PRKAB2: variants seen among roughly 807,000 people sequenced by gnomAD.
The protein encoded by PRKAB2 is protein kinase AMP-activated non-catalytic subunit beta 2.
A neutral mutation model predicts 29.8 loss-of-function variants in PRKAB2; 18 were observed. The observed-to-expected ratio is 0.60, with a 90% CI of 0.42 to 0.89. PRKAB2 has a LOEUF of 0.89. Among genes scored for constraint, PRKAB2 ranks in the 40% least tolerant of loss-of-function variants. The pLI is 0.00. For synonymous variants in PRKAB2, 136 were observed against 125.9 expected, an observed-to-expected ratio of 1.08 and a Z score of -0.54; for missense variants, 270 against 344.3, an observed-to-expected ratio of 0.78 and a Z score of 1.71.
In PRKAB2 at chr1:147,172,159, G is replaced by A; in HGVS notation, c.-15C>T. ...GTGTTTCCCATGGCTGCAGCTCGTC[G>A]GGGACCACCTACCGCGGGGAACGAC... On this transcript the variant is annotated 5_prime_UTR_variant, in exon 2 of 8. Coordinates refer to ENST00000254101, the MANE Select transcript of PRKAB2 (RefSeq NM_005399.5). 1.3e-6 allele frequency: 2 copies of A among 1,540,518 alleles called. No individual in the cohort carries two copies. Among genetic ancestry groups the A allele is most frequent in the Non-Finnish European group, 1.7e-6 (2 of 1,142,892 alleles).
Position 147,165,184 on chromosome 1 carries a change from C to T in PRKAB2, c.538+1314G>A, listed in dbSNP as rs1571060520. On this transcript the variant is annotated intron_variant, in intron 5 of 7. Transcript: ENST00000254101. The stretch of plus-strand genomic sequence containing the variant: ...GGGACTACAGGCGCCTGCCACCACA[C>T]CCAGCTAATTTTTCGTATTTTTTAG... 2.0e-5 allele frequency among the ~76,000 whole-genome samples: 3 copies of T among 152,160 alleles called. No homozygotes were observed. The South Asian group carries it at 6.2e-4, about 32-fold the overall frequency.
intron 5 of PRKAB2, among the ~76,000 whole-genome samples, chr1:147,164,851 T>C (rs1334740258): frequency 1.3e-5 from 2 of 152,368 alleles, no homozygotes; most frequent in Admixed American, 1.3e-4. Flanking sequence ...GATACATGTC[T>C]ATTTATTGGT....
chr1:147,166,260 G>A (rs587758713), intron 5 of PRKAB2, among the ~76,000 whole-genome samples: 5 of 152,138 alleles, frequency 3.3e-5, no homozygotes, highest in Non-Finnish European at 5.9e-5. Flanking sequence ...AAAATAGAGT[G>A]TATCCCATGT....
intron 7 of PRKAB2, chr1:147,160,886 AATAAT>A (rs1653918577): frequency 6.6e-6 from 1 of 152,146 alleles, no homozygotes; most frequent in South Asian, 2.1e-4. Flanking sequence ...AATTAAATTC[AATAAT>A]ATATTTTTAA....
At chr1:147,160,569 A>G (rs2101616267) in intron 7 of PRKAB2, among the ~76,000 whole-genome samples, 1 of 152,290 alleles carries the variant, frequency 6.6e-6, no homozygotes, top group South Asian at 2.1e-4. Flanking sequence ...ATTATCCACC[A>G]TGAATGCTTC....
At chr1:147,168,009 A>G (rs55797044) in intron 2 of PRKAB2, 76 bp from the exon 3 acceptor site, 49,788 of 1,475,288 alleles carry the variant, frequency 0.034, 1,406 homozygotes, top group African/African-American at 0.11. Flanking sequence ...CCTCCCTAGG[A>G]TAGAGAAGGG....
chr1:147,169,081 C>T (rs1157490786), intron 2 of PRKAB2, among the ~76,000 whole-genome samples: 3 of 152,198 alleles, frequency 2.0e-5, no homozygotes, highest in Admixed American at 2.0e-4. Flanking sequence ...TGGCCCTTTA[C>T]AGAAAGATTG....
chr1:147,172,284 G>C (rs375121064), intron 1 of PRKAB2, 117 bp from the exon 2 acceptor site: 1 of 1,143,104 alleles, frequency 8.7e-7, no homozygotes, highest in East Asian at 2.8e-5. Context: ...CAGGGAAGCC[G>C]AGCCCTGGAG....
chr1:147,163,395 A>G (rs782209427), intron 5 of PRKAB2, among the ~76,000 whole-genome samples: 13 of 152,250 alleles, frequency 8.5e-5, no homozygotes, highest in Admixed American at 2.6e-4. Context: ...CTTGTACACC[A>G]GTGTTCATAA....
chr1:147,160,633 A>G (rs1653907628), intron 7 of PRKAB2, among the ~76,000 whole-genome samples: 2 of 152,184 alleles, frequency 1.3e-5, no homozygotes, highest in African/African-American at 4.8e-5. Context: ...CGACAGAAGC[A>G]AGGCAGGTAA....
intron 5 of PRKAB2, among the ~76,000 whole-genome samples, chr1:147,162,840 T>C (rs1342659744): frequency 6.6e-6 from 1 of 152,158 alleles, no homozygotes; most frequent in African/African-American, 2.4e-5. Flanking sequence ...AGGGAAGAGC[T>C]ACTACATGTA....
intron 2 of PRKAB2, among the ~76,000 whole-genome samples, chr1:147,169,543 C>G (rs587639914): frequency 1.3e-5 from 2 of 152,084 alleles, no homozygotes; most frequent in Admixed American, 6.5e-5. Context: ...GGAAAAAAAG[C>G]TTCCCAGATA....
At chr1:147,170,110 C>T (rs1239448798) in intron 2 of PRKAB2, among the ~76,000 whole-genome samples, 1 of 152,086 alleles carries the variant, frequency 6.6e-6, no homozygotes, top group Non-Finnish European at 1.5e-5. Flanking sequence ...GGAAAAGAGG[C>T]AAAACGACAA....
At chr1:147,164,295 T>C (rs1654124531) in intron 5 of PRKAB2, among the ~76,000 whole-genome samples, 1 of 152,052 alleles carries the variant, frequency 6.6e-6, no homozygotes. Context: ...GTAACAATAA[T>C]GTAACAAAAT....
intron 5 of PRKAB2, 66 bp downstream of exon 5, chr1:147,166,432 T>A: frequency 2.0e-6 from 3 of 1,523,094 alleles, no homozygotes; most frequent in South Asian, 1.2e-5. Context: ...TATACACACA[T>A]AAACAACTTT....
intron 2 of PRKAB2, among the ~76,000 whole-genome samples, chr1:147,170,673 G>A (rs1197428313): frequency 1.3e-5 from 2 of 152,002 alleles, no homozygotes; most frequent in Admixed American, 6.5e-5. Flanking sequence ...ACCGCCTCCC[G>A]GGTTCAAGCG....
intron 2 of PRKAB2, among the ~76,000 whole-genome samples, chr1:147,169,016 T>C (rs1654386932): frequency 6.6e-6 from 1 of 152,228 alleles, no homozygotes; most frequent in African/African-American, 2.4e-5. Context: ...AGTGGCAGAA[T>C]TGCGTAGCTA....
In PRKAB2 at chr1:147,157,367, C is replaced by T. The variant is rs1653724876; in HGVS notation, c.*2198G>A. 1 of 152,084 alleles carries T rather than the reference C, an allele frequency of 6.6e-6. No homozygotes were observed. Among genetic ancestry groups the T allele is most frequent in the African/African-American group, 2.4e-5 (1 of 41,410 alleles). 9.4% of individuals were successfully genotyped at this position (152,084 alleles called of 1,614,324 possible). A position where few individuals can be genotyped will look rare whatever the true frequency, so the allele number is the denominator to read the frequency against. ...ATTTCACATCTGGGCTGAGAGTTAC[C>T]TCAGAACTTGGGAAACTGACACTCT... On this transcript the variant is annotated 3_prime_UTR_variant, in exon 8 of 8. Coordinates refer to ENST00000254101, the MANE Select transcript of PRKAB2 (RefSeq NM_005399.5).
At position 147,172,454 on chromosome 1, in the gene PRKAB2, A is replaced by T; in HGVS notation, c.-49T>A. On this transcript the variant is annotated 5_prime_UTR_variant, in exon 1 of 8. The change creates a new upstream start codon in the 5' untranslated region. Transcript: ENST00000254101. ...CTCGGGCGATGCGCTCCCTCCTCCA[A>T]GGGCCACTGATGTGATGGCTGTTCT... The T allele has an allele frequency of 4.3e-6, 2 of 463,678 alleles. No homozygotes were observed. Among genetic ancestry groups the T allele is most frequent in the Non-Finnish European group, 3.8e-6 (1 of 261,264 alleles). The allele number at this position is 463,678 out of a possible 1,614,324, so 28.7% of individuals were successfully genotyped here.
Sources: allele counts gnomAD v4.1 joint callset (sites outside exome capture counted in the v4.1 genomes callset), GRCh38; gene constraint gnomAD v4.1.1; transcripts MANE v1.5; gene names NCBI Gene and HGNC (gene_info 2026-07-23, HGNC 2026-07-21).